UBR7: variants seen among roughly 807,000 people sequenced by gnomAD.
The protein encoded by UBR7 is putative E3 ubiquitin-protein ligase UBR7.
UBR7 carries 22 observed loss-of-function variants against 57.0 expected under a neutral mutation model. The ratio of observed to expected loss-of-function variants is 0.39; its 90% CI spans 0.28 to 0.55. The LOEUF (loss-of-function observed/expected upper bound fraction) is 0.55, where lower values mean the gene tolerates loss of function less well. UBR7 is among the 20% of genes least tolerant of loss of function. The pLI, the probability that UBR7 is intolerant of heterozygous loss-of-function variation, is 0.69. For missense variants in UBR7, 395 were observed against 513.2 expected (o/e 0.77, Z 2.23); for synonymous variants, 167 against 179.8 (o/e 0.93, Z 0.57).
intron 6 of UBR7, among the ~76,000 whole-genome samples, 161 bp downstream of exon 6, chr14:93,215,442 T>C (rs1894571627): frequency 6.6e-6 from 1 of 152,128 alleles, no homozygotes; most frequent in Non-Finnish European, 1.5e-5. Flanking sequence ...TCCCAGCACT[T>C]TGGGAGGCCA....
intron 10 of UBR7, chr14:93,224,071 G>A: frequency 9.7e-7 from 1 of 1,032,682 alleles, no homozygotes; most frequent in Non-Finnish European, 1.5e-6. Flanking sequence ...GGGGCGGTGT[G>A]TGGCATTTGG....
Position 93,228,131 on chromosome 14 carries a change from A to ATGAG in UBR7, c.*1098_*1101dup, listed in dbSNP as rs1417972902. ...AACAAGGCCCGAGGCTGCACGAATG[A>ATGAG]TGAGTTTTGTGTATATAATGTTAAT... On this transcript the variant is annotated 3_prime_UTR_variant, in exon 11 of 11. Transcript: ENST00000013070. 8 of 645,538 alleles carry ATGAG rather than the reference A, an allele frequency of 1.2e-5. No homozygotes were observed. Among genetic ancestry groups the ATGAG allele is most frequent in the Non-Finnish European group, 2.3e-5 (8 of 350,714 alleles). 40.0% of individuals were successfully genotyped at this position (645,538 alleles called of 1,614,324 possible). A position where few individuals can be genotyped will look rare whatever the true frequency, so the allele number is the denominator to read the frequency against.
At position 93,219,255 on chromosome 14, in the gene UBR7, G is replaced by T. The variant is rs1040694037; in HGVS notation, c.854G>T (p.Gly285Val). ...AGCCTCAACGCAGAATCAAAATCTG[G>T]CTGCAAACTTCAGGAGCTTAAAGCT... is the stretch of plus-strand genomic sequence containing the variant. ...NESLNAESKSGCKLQELKAKQ... is the reference protein window; with the variant it reads ...NESLNAESKSVCKLQELKAKQ... The change falls in exon 8 of 11, where the codon GGC (glycine) becomes GTC (valine). Residue 285 changes from glycine to valine, a missense_variant. Gly to Val is a moderately radical substitution (Grantham distance 109). Coordinates refer to ENST00000013070, the MANE Select transcript of UBR7 (RefSeq NM_175748.4). 1.2e-6 allele frequency: 2 copies of T among 1,614,014 alleles called. No homozygotes were observed. The highest frequency in any genetic ancestry group is 1.3e-5 in the African/African-American group (1 of 74,882).
chr14:93,227,048 A>C lies in UBR7; in HGVS notation c.*13A>C. On this transcript the variant is annotated 3_prime_UTR_variant, in exon 11 of 11. Transcript: ENST00000013070. ...TTACTGCAGCTAGAGTGGAGTATGA[A>C]GCTTTCTCATTCAAGCCAATGAAAA... 6.3e-7 allele frequency: 1 copy of C among 1,587,482 alleles called. No individual in the cohort carries two copies. The highest frequency in any genetic ancestry group is 1.1e-5 in the South Asian group (1 of 90,384).
chr14:93,226,513 G>A (rs1449366432), intron 10 of UBR7, among the ~76,000 whole-genome samples: 4 of 152,150 alleles, frequency 2.6e-5, no homozygotes. Flanking sequence ...GGCGTAGGCT[G>A]GGCACGGTGG....
chr14:93,227,850 C>G lies in UBR7; in HGVS notation c.*815C>G, dbSNP rs752259217. 3.6e-4 allele frequency: 253 copies of G among 700,604 alleles called. No individual in the cohort carries two copies. The highest frequency in any genetic ancestry group is 1.1e-3 in the Middle Eastern group (3 of 2,760). 43.4% of individuals were successfully genotyped at this position (700,604 alleles called of 1,614,324 possible). A position where few individuals can be genotyped will look rare whatever the true frequency, so the allele number is the denominator to read the frequency against. On this transcript the variant is annotated 3_prime_UTR_variant, in exon 11 of 11. Coordinates refer to ENST00000013070, the MANE Select transcript of UBR7 (RefSeq NM_175748.4). ...CTTCTCTGCTGCCTAGAAAACAGAC[C>G]GGGTCTCACCCCTGTGAAATCTTGG...
At position 93,228,099 on chromosome 14, in the gene UBR7, G is replaced by C. The variant is rs1275129949; in HGVS notation, c.*1064G>C. On this transcript the variant is annotated 3_prime_UTR_variant, in exon 11 of 11. Coordinates refer to ENST00000013070, the MANE Select transcript of UBR7 (RefSeq NM_175748.4). ...TTTGGAAGAGACAGACTGTGGAAGA[G>C]ATTACAAACAAGGCCCGAGGCTGCA... 1 of 681,914 alleles carries C rather than the reference G, an allele frequency of 1.5e-6. No individual in the cohort carries two copies. Among genetic ancestry groups the C allele is most frequent in the East Asian group, 2.8e-5 (1 of 36,014 alleles). The allele number at this position is 681,914 out of a possible 1,614,324, so 42.2% of individuals were successfully genotyped here. A position where few individuals can be genotyped will look rare whatever the true frequency, so the allele number is the denominator to read the frequency against.
At position 93,227,658 on chromosome 14, in the gene UBR7, G is replaced by A. The variant is rs1894888638; in HGVS notation, c.*623G>A. On this transcript the variant is annotated 3_prime_UTR_variant, in exon 11 of 11. Transcript: ENST00000013070. The stretch of plus-strand genomic sequence containing the variant: ...CTGGTCTGGATGTCTGTCACAGGCG[G>A]AGAGATTAACAGATGACAGGGTTGA... 2 of 700,854 alleles carry A rather than the reference G, an allele frequency of 2.9e-6. No individual in the cohort carries two copies. The highest frequency in any genetic ancestry group is 3.0e-5 in the South Asian group (2 of 67,504). 43.4% of individuals were successfully genotyped at this position (700,854 alleles called of 1,614,324 possible). A position where few individuals can be genotyped will look rare whatever the true frequency, so the allele number is the denominator to read the frequency against.
chr14:93,226,896 A>T (rs1328703206), intron 10 of UBR7, 47 bp from the exon 11 acceptor site: 2 of 1,401,986 alleles, frequency 1.4e-6, no homozygotes, highest in Non-Finnish European at 2.0e-6. Flanking sequence ...TCGGATTGCG[A>T]TTCTGTTACT....
chr14:93,227,334 A>T lies in UBR7; in HGVS notation c.*299A>T. On this transcript the variant is annotated 3_prime_UTR_variant, in exon 11 of 11. Coordinates refer to ENST00000013070, the MANE Select transcript of UBR7 (RefSeq NM_175748.4). ...GTTTGATTTTGTTTTGAGAAAGCAA[A>T]TTGGTGTCTTGTTTAATGATCTGTT... is the stretch of plus-strand genomic sequence containing the variant. The T allele has an allele frequency of 1.6e-6, 1 of 610,008 alleles. No homozygotes were observed. The allele number at this position is 610,008 out of a possible 1,614,324, so 37.8% of individuals were successfully genotyped here.
intron 9 of UBR7, among the ~76,000 whole-genome samples, chr14:93,221,274 C>T (rs188753564): frequency 1.8e-4 from 27 of 152,222 alleles, no homozygotes; most frequent in Middle Eastern, 3.4e-3. Flanking sequence ...CCATGCTTGG[C>T]TAATTTACTT....
rs1894444201 is a variant in UBR7, at chr14:93,209,910, T to C, written c.237T>C (p.Ser79=). Residue 79 remains serine, a synonymous_variant, in exon 2 of 11, where the codon AGT becomes AGC. Transcript: ENST00000013070. ...EEPAGICLAC[S]YECHGSHKLF... ...CAGCAGGAATTTGTTTAGCTTGCAG[T>C]TATGAATGTCATGGAAGTCACAAAC... The C allele has an allele frequency of 1.2e-6, 2 of 1,614,058 alleles. No individual in the cohort carries two copies. The highest frequency in any genetic ancestry group is 1.7e-6 in the Non-Finnish European group (2 of 1,179,996).
chr14:93,210,899 G>C (rs374094131), intron 3 of UBR7, among the ~76,000 whole-genome samples, 191 bp downstream of exon 3: 1 of 152,156 alleles, frequency 6.6e-6, no homozygotes, highest in Non-Finnish European at 1.5e-5. Flanking sequence ...AAGATAGATG[G>C]TAATTAATAT....
At chr14:93,214,872 T>C in intron 4 of UBR7, 57 bp from the exon 5 acceptor site, 1 of 1,462,218 alleles carries the variant, frequency 6.8e-7, no homozygotes, top group Non-Finnish European at 9.6e-7. Flanking sequence ...GTGTGCCAGG[T>C]TATTTCCATG....
At position 93,218,704 on chromosome 14, in the gene UBR7, G is replaced by A. The variant is rs201695066; in HGVS notation, c.779G>A (p.Cys260Tyr). The change falls in exon 7 of 11, where the codon TGT (cysteine) becomes TAT (tyrosine). Residue 260 changes from cysteine to tyrosine, a missense_variant. By Grantham distance (194) the Cys-to-Tyr change is radical (BLOSUM62 -2). Transcript: ENST00000013070. ...EVKVEQNSEP[C>Y]AGSSSESDLQ... ...AAAGTAGAGCAGAACAGTGAACCAT[G>A]TGCCGGCTCTAGTTCTGAATCTGAT... 92 of 1,613,952 alleles carry A rather than the reference G, an allele frequency of 5.7e-5. No homozygotes were observed. The highest frequency in any genetic ancestry group is 1.6e-4 in the Middle Eastern group (1 of 6,084).
chr14:93,207,728 C>T (rs769395029), intron 1 of UBR7, among the ~76,000 whole-genome samples: 3 of 152,216 alleles, frequency 2.0e-5, no homozygotes, highest in Non-Finnish European at 2.9e-5. Context: ...CCTCTCCAGC[C>T]TCTTCTTGGT....
rs1894641002 is a variant in UBR7 at position 93,218,653 on chromosome 14, A to G, written c.728A>G (p.Gln243Arg). The G allele has an allele frequency of 1.9e-6, 3 of 1,614,174 alleles. No individual in the cohort carries two copies. Among genetic ancestry groups the G allele is most frequent in the Non-Finnish European group, 2.5e-6 (3 of 1,180,032 alleles). Residue 243 changes from glutamine (Q) to arginine (R), a missense_variant, in exon 7 of 11, where the codon CAG becomes CGG. Gln to Arg is a conservative substitution (Grantham distance 43). Coordinates refer to ENST00000013070, the MANE Select transcript of UBR7 (RefSeq NM_175748.4). ...ACCCTCAAAGAGGATGTTCCAGAAC[A>G]GGGAAAGGATGATGTCCGGGAGGTT... Reference protein sequence around the residue: ...DSTLKEDVPEQGKDDVREVKV... With the variant: ...DSTLKEDVPERGKDDVREVKV...
chr14:93,226,705 A>G (rs1186919369), intron 10 of UBR7, among the ~76,000 whole-genome samples: 2 of 150,856 alleles, frequency 1.3e-5, no homozygotes, highest in Non-Finnish European at 3.0e-5. Flanking sequence ...AGGCAGGAGA[A>G]TGGTGTTAAC....
At chr14:93,207,621 C>T (rs1265242128) in intron 1 of UBR7, among the ~76,000 whole-genome samples, 180 bp downstream of exon 1, 2 of 152,184 alleles carry the variant, frequency 1.3e-5, no homozygotes, top group Non-Finnish European at 2.9e-5. Flanking sequence ...ACCTCCTGGG[C>T]CCCCTTCAGC....
Sources: allele counts gnomAD v4.1 joint callset (sites outside exome capture counted in the v4.1 genomes callset), GRCh38; gene constraint gnomAD v4.1.1; transcripts MANE v1.5; gene names NCBI Gene and HGNC (gene_info 2026-07-23, HGNC 2026-07-21).